DPY19L2: variants seen among roughly 807,000 people sequenced by gnomAD.
DPY19L2 encodes probable C-mannosyltransferase DPY19L2.
A neutral mutation model predicts 97.9 loss-of-function variants in DPY19L2; 34 were observed. That is an observed-to-expected ratio of 0.35 (90% CI 0.26 to 0.46). The LOEUF is 0.46. Ranked by LOEUF, DPY19L2 falls within the 20% of genes least tolerant of loss-of-function variation. The pLI, the probability that DPY19L2 is intolerant of heterozygous loss-of-function variation, is 1.00. For synonymous variants in DPY19L2, 230 were observed against 307.9 expected, an observed-to-expected ratio of 0.75 and a Z score of 2.65; for missense variants, 623 against 911.4, an observed-to-expected ratio of 0.68 and a Z score of 4.07.
Position 63,618,135 on chromosome 12 carries a change from A to G in DPY19L2, c.1131+16T>C. Reference sequence around the variant, plus strand: ...ACCTATCTTAATATTTGACTTATATATATTAAAAATGTTACCATGTTCATA... The same window carrying G: ...ACCTATCTTAATATTTGACTTATATGTATTAAAAATGTTACCATGTTCATA... On this transcript the variant is annotated intron_variant, in intron 10 of 21. Coordinates refer to ENST00000324472, the MANE Select transcript of DPY19L2 (RefSeq NM_173812.5). The G allele has an allele frequency of 1.2e-6, 1 of 834,686 alleles. No individual in the cohort carries two copies. The highest frequency in any genetic ancestry group is 1.9e-6 in the Non-Finnish European group (1 of 531,256). The allele number at this position is 834,686 out of a possible 1,614,324, so 51.7% of individuals were successfully genotyped here. A position where few individuals can be genotyped will look rare whatever the true frequency, so the allele number is the denominator to read the frequency against.
At chr12:63,614,190 CAAA>C (rs56375248) in intron 11 of DPY19L2, among the ~76,000 whole-genome samples, 3 of 114,060 alleles carry the variant, frequency 2.6e-5, no homozygotes, top group Non-Finnish European at 5.6e-5. Flanking sequence ...AACTCCGTCT[CAAA>C]AAAAAAAAAA....
chr12:63,560,835 T>A (rs1460411315), intron 21 of DPY19L2, among the ~76,000 whole-genome samples, 173 bp from the exon 22 acceptor site: 1 of 152,204 alleles, frequency 6.6e-6, no homozygotes, highest in African/African-American at 2.4e-5. Flanking sequence ...AGAATGAAAT[T>A]AAGCATGTTG....
Position 63,636,602 on chromosome 12 carries a change from A to G in DPY19L2, c.803+7801T>C, listed in dbSNP as rs1330442889. On this transcript the variant is annotated intron_variant, in intron 6 of 21. Coordinates refer to ENST00000324472, the MANE Select transcript of DPY19L2 (RefSeq NM_173812.5). ...GGAAGATCTACCAAGCAAACAGAAA[A>G]CAAAACAAAACAAAACAAAAGGGGT... 2.0e-5 allele frequency among the ~76,000 whole-genome samples: 3 copies of G among 152,088 alleles called. No homozygotes were observed. In the South Asian group the frequency reaches 6.2e-4, roughly 31 times the overall value.
At chr12:63,581,259 T>A (rs1293087531) in intron 18 of DPY19L2, among the ~76,000 whole-genome samples, 1 of 152,136 alleles carries the variant, frequency 6.6e-6, no homozygotes, top group East Asian at 1.9e-4. Context: ...TTTAAGGCTA[T>A]ACACTCATAA....
Position 63,560,400 on chromosome 12 carries a change from A to T in DPY19L2, c.*112T>A, listed in dbSNP as rs1876238197. ...AAAATTTCCAATCCATTTTTATCTT[A>T]TTTTTAAGTGTCTGTTATTAAAGCT... On this transcript the variant is annotated 3_prime_UTR_variant, in exon 22 of 22. Transcript: ENST00000324472. 7.7e-7 allele frequency: 1 copy of T among 1,302,616 alleles called. No homozygotes were observed. The highest frequency in any genetic ancestry group is 2.5e-5 in the East Asian group (1 of 39,294). 80.7% of individuals were successfully genotyped at this position (1,302,616 alleles called of 1,614,324 possible). A position where few individuals can be genotyped will look rare whatever the true frequency, so the allele number is the denominator to read the frequency against.
intron 9 of DPY19L2, among the ~76,000 whole-genome samples, chr12:63,620,677 A>G (rs1277231159): frequency 1.3e-5 from 2 of 152,200 alleles, no homozygotes; most frequent in Non-Finnish European, 2.9e-5. Context: ...TTATATGGAA[A>G]CAACCAAGTA....
Position 63,580,766 on chromosome 12 carries a change from A to G in DPY19L2, c.1796T>C (p.Ile599Thr), listed in dbSNP as rs767243823. ...VIFGILTVMS[I>T]QGYANLRNQW... is the part of the protein sequence containing the mutation. The stretch of plus-strand genomic sequence containing the variant: ...ATTACGGAGGTTTGCATAACCTTGT[A>G]TTGACATCACTGTTAAAATGCCAAA... The change falls in exon 19 of 22, where the codon ATA becomes ACA. Residue 599 changes from isoleucine to threonine, a missense_variant. Ile to Thr is a moderately conservative substitution (Grantham distance 89). Transcript: ENST00000324472. The G allele has an allele frequency of 2.5e-6, 4 of 1,613,548 alleles. No individual in the cohort carries two copies. In the East Asian group the frequency reaches 8.9e-5, roughly 36 times the overall value.
chr12:63,602,997 T>G (rs1425292892), intron 12 of DPY19L2, among the ~76,000 whole-genome samples: 1 of 152,132 alleles, frequency 6.6e-6, no homozygotes, highest in Non-Finnish European at 1.5e-5. Context: ...AGACTCAATT[T>G]ATGCTACACA....
intron 12 of DPY19L2, among the ~76,000 whole-genome samples, chr12:63,608,011 A>T (rs1886347754): frequency 6.6e-6 from 1 of 152,144 alleles, no homozygotes; most frequent in South Asian, 2.1e-4. Flanking sequence ...AGAATTTAGG[A>T]GTTGCACTAC....
intron 4 of DPY19L2, among the ~76,000 whole-genome samples, chr12:63,655,188 C>T (rs1894802606): frequency 6.6e-6 from 1 of 152,074 alleles, no homozygotes; most frequent in Admixed American, 6.5e-5. Context: ...ACACGTTGCA[C>T]ATACAGATGG....
intron 21 of DPY19L2, among the ~76,000 whole-genome samples, chr12:63,566,027 G>GAT (rs1877614042): frequency 6.6e-6 from 1 of 151,922 alleles, no homozygotes; most frequent in African/African-American, 2.4e-5. Flanking sequence ...TTACTCACAT[G>GAT]ATATCTTTTC....
At chr12:63,626,007 T>C (rs951472212) in intron 7 of DPY19L2, among the ~76,000 whole-genome samples, 9 of 148,928 alleles carry the variant, frequency 6.0e-5, no homozygotes, top group African/African-American at 1.2e-4. Context: ...TATAAATTAA[T>C]ATATATGTGA....
intron 8 of DPY19L2, chr12:63,623,747 C>T (rs1592610849): frequency 3.8e-6 from 1 of 261,556 alleles, no homozygotes. Context: ...CTCTCTTGCC[C>T]AGGCTGGAGT....
chr12:63,594,538 GTGTA>G (rs2137506926), intron 15 of DPY19L2, among the ~76,000 whole-genome samples: 1 of 149,406 alleles, frequency 6.7e-6, no homozygotes, highest in South Asian at 2.1e-4. Context: ...GTGTGTATGT[GTGTA>G]TGTGTGTATG....
chr12:63,608,500 C>T, intron 12 of DPY19L2, 116 bp downstream of exon 12: 1 of 953,068 alleles, frequency 1.0e-6, no homozygotes, highest in Non-Finnish European at 1.6e-6. Context: ...ATTTTTAAGA[C>T]AGTAGCTATT....
intron 19 of DPY19L2, among the ~76,000 whole-genome samples, chr12:63,573,009 T>G (rs1879162317): frequency 6.6e-6 from 1 of 151,936 alleles, no homozygotes; most frequent in African/African-American, 2.4e-5. Flanking sequence ...GCAAAAACTA[T>G]AATAAATACC....
chr12:63,664,064 C>T (rs1896027386), intron 2 of DPY19L2, among the ~76,000 whole-genome samples: 1 of 152,068 alleles, frequency 6.6e-6, no homozygotes, highest in Non-Finnish European at 1.5e-5. Context: ...TGGCCAGGTA[C>T]GTTGCCTCAT....
At position 63,594,142 on chromosome 12, in the gene DPY19L2, A is replaced by G; in HGVS notation, c.1534-9T>C. The G allele has an allele frequency of 2.0e-6, 3 of 1,534,428 alleles. No individual in the cohort carries two copies. Among genetic ancestry groups the G allele is most frequent in the Non-Finnish European group, 2.7e-6 (3 of 1,128,326 alleles). On this transcript the variant is annotated splice_polypyrimidine_tract_variant and intron_variant, in intron 15 of 21. Transcript: ENST00000324472. ...GAAATATCACGAACAGTCTGTGAAT[A>G]GAATCAAATCAATGAAACTTTTGTA... is the stretch of plus-strand genomic sequence containing the variant.
At chr12:63,618,284 C>T in intron 9 of DPY19L2, 56 bp from the exon 10 acceptor site, 1 of 718,644 alleles carries the variant, frequency 1.4e-6, no homozygotes, top group African/African-American at 1.8e-5. Flanking sequence ...TAACACTTTA[C>T]TATTCACAGG....
Sources: allele counts gnomAD v4.1 joint callset (sites outside exome capture counted in the v4.1 genomes callset), GRCh38; gene constraint gnomAD v4.1.1; transcripts MANE v1.5; gene names NCBI Gene and HGNC (gene_info 2026-07-23, HGNC 2026-07-21).